The following HMCN2 variants were observed in gnomAD, a reference collection of about 807,000 sequenced individuals.
The protein encoded by HMCN2 is hemicentin 2, also known as hemicentin-2.
HMCN2 carries 325 observed loss-of-function variants against 377.5 expected under a neutral mutation model. The ratio of observed to expected loss-of-function variants is 0.86; its 90% confidence interval spans 0.79 to 0.94. The LOEUF (loss-of-function observed/expected upper bound fraction) is 0.94. HMCN2 is among the 40% of genes least tolerant of loss of function. The probability of loss-of-function intolerance (pLI) is 0.00; values close to 1 mark genes in which losing one functional copy is unlikely to be tolerated. For missense variants in HMCN2, 4,543 were observed against 4,725.3 expected, an observed-to-expected ratio of 0.96 and a Z score of 1.13; for synonymous variants, 2,007 against 2,046.8, an observed-to-expected ratio of 0.98 and a Z score of 0.53.
chr9:130,360,399 C>G lies in HMCN2; in HGVS notation c.5774-29C>G. ...TTCCCCCTTGCTTCTCTCTTCCTTT[C>G]CCCCTTGCATCTCTCTTCCTTTCCC... On this transcript the variant is annotated intron_variant, in intron 37 of 97. Transcript: ENST00000683500. This position sits in a 1 kb window ranked among gnomAD's most constrained non-coding sequence, Gnocchi z 4.7. The G allele has an allele frequency of 3.2e-6, 4 of 1,236,626 alleles. No individual in the cohort carries two copies. Among genetic ancestry groups the G allele is most frequent in the Non-Finnish European group, 4.2e-6 (4 of 949,908 alleles). The allele number at this position is 1,236,626 out of a possible 1,614,324, so 76.6% of individuals were successfully genotyped here. A position where few individuals can be genotyped will look rare whatever the true frequency, so the allele number is the denominator to read the frequency against.
Position 130,433,837 on chromosome 9 carries a change from C to A in HMCN2, c.*144C>A. The A allele has an allele frequency of 4.4e-6, 3 of 686,068 alleles. No individual in the cohort carries two copies. The highest frequency in any genetic ancestry group is 6.7e-6 in the Non-Finnish European group (3 of 446,148). 42.5% of individuals were successfully genotyped at this position (686,068 alleles called of 1,614,324 possible). The stretch of plus-strand genomic sequence containing the variant: ...CAGCGAGACCTTGGGTCAACACGAC[C>A]CTGCGCACAGCCTTGACCCCCGACA... On this transcript the variant is annotated 3_prime_UTR_variant, in exon 98 of 98. Coordinates refer to ENST00000683500, the MANE Select transcript of HMCN2 (RefSeq NM_001291815.2).
Position 130,299,028 on chromosome 9 carries a change from T to TC in HMCN2, c.1020dup (p.Ile341HisfsTer68). On this transcript the variant is annotated frameshift_variant, in exon 8 of 98. Transcript: ENST00000683500. LOFTEE classifies it high-confidence loss of function. ...GTTCTTCACCTTCCCTCTGCAGGAG[T>TC]CCCCATCTCCCTGGTGATCAATTCC... 2.1e-6 allele frequency: 1 copy of TC among 468,624 alleles called. No homozygotes were observed. The highest frequency in any genetic ancestry group is 1.6e-5 in the South Asian group (1 of 64,430). The allele number at this position is 468,624 out of a possible 1,614,324, so 29.0% of individuals were successfully genotyped here.
chr9:130,380,263 AG>A (rs1841635923), intron 54 of HMCN2, among the ~76,000 whole-genome samples: 1 of 152,144 alleles, frequency 6.6e-6, no homozygotes, highest in Admixed American at 6.5e-5. Flanking sequence ...CTTTTATTTT[AG>A]AATAATTTTT....
At chr9:130,383,263 G>C (rs1841827451) in intron 56 of HMCN2, among the ~76,000 whole-genome samples, 1 of 88,758 alleles carries the variant, frequency 1.1e-5, no homozygotes, top group Admixed American at 1.4e-4. Context: ...GCCCTCCACA[G>C]GGGTGGGGGA....
intron 43 of HMCN2, 80 bp from the exon 44 acceptor site, chr9:130,368,196 G>A (rs1436095892): frequency 1.1e-6 from 1 of 879,300 alleles, no homozygotes; most frequent in Non-Finnish European, 1.4e-6. Flanking sequence ...GAATGGGTAG[G>A]AGGACAAACT....
intron 74 of HMCN2, among the ~76,000 whole-genome samples, chr9:130,398,236 T>TC (rs1328774474): frequency 6.9e-6 from 1 of 145,502 alleles, no homozygotes; most frequent in Non-Finnish European, 1.5e-5. Context: ...CCCAGTCTCC[T>TC]CCCCCTCCAA....
Position 130,287,273 on chromosome 9 carries a change from A to T in HMCN2, c.612+963A>T, listed in dbSNP as rs1588175090. Among the ~76,000 whole-genome samples, 7 of 151,932 alleles carry T rather than the reference A, an allele frequency of 4.6e-5. No homozygotes were observed. In the East Asian group the frequency reaches 1.4e-3, roughly 30 times the overall value. Reference sequence around the variant, plus strand: ...GGTCCCCCTGGTATCCCCTTGCCCAAACTTGCTACCCTGCTGGCTTCTCTG... The same window carrying T: ...GGTCCCCCTGGTATCCCCTTGCCCATACTTGCTACCCTGCTGGCTTCTCTG... On this transcript the variant is annotated intron_variant, in intron 4 of 97. Transcript: ENST00000683500.
Position 130,347,899 on chromosome 9 carries a change from C to A in HMCN2, c.4024+539C>A. ...TTAAAAATGAGCACGGATGGCAGTG[C>A]AGAGCCCCAGAGCCCACCTCCGGGT... On this transcript the variant is annotated intron_variant, in intron 26 of 97. Transcript: ENST00000683500. The surrounding 1 kb of genome is among the most constrained non-coding windows in gnomAD (Gnocchi z 5.1). The A allele has an allele frequency of 3.7e-6, 2 of 543,892 alleles. No homozygotes were observed. Among genetic ancestry groups the A allele is most frequent in the Non-Finnish European group, 4.7e-6 (2 of 427,156 alleles). 33.7% of individuals were successfully genotyped at this position (543,892 alleles called of 1,614,324 possible).
chr9:130,426,216 G>A (rs533167075), intron 90 of HMCN2, among the ~76,000 whole-genome samples: 245 of 152,262 alleles, frequency 1.6e-3, no homozygotes, highest in Non-Finnish European at 1.9e-3. Context: ...TGATGTTCAG[G>A]AACTGAGTCA....
At chr9:130,425,179 G>A (rs539764373) in intron 89 of HMCN2, 49 bp downstream of exon 89, 8 of 1,485,404 alleles carry the variant, frequency 5.4e-6, no homozygotes, top group South Asian at 1.3e-5. Context: ...TGAGAGAGAC[G>A]AAGGTGCCCG....
At chr9:130,413,064 T>C (rs1475054618) in intron 85 of HMCN2, among the ~76,000 whole-genome samples, 1 of 152,260 alleles carries the variant, frequency 6.6e-6, no homozygotes, top group African/African-American at 2.4e-5. Flanking sequence ...ACTGGTCTTA[T>C]ATTTTTGTTA....
intron 85 of HMCN2, among the ~76,000 whole-genome samples, chr9:130,416,386 T>G (rs1268465281): frequency 6.6e-6 from 1 of 152,194 alleles, no homozygotes; most frequent in African/African-American, 2.4e-5. Flanking sequence ...CTTACAGGCG[T>G]GAGTCACTGC....
At chr9:130,353,912 G>A (rs1388374534) in intron 31 of HMCN2, among the ~76,000 whole-genome samples, 1 of 152,096 alleles carries the variant, frequency 6.6e-6, no homozygotes, top group Non-Finnish European at 1.5e-5. Context: ...GGCCCCCCGT[G>A]GGGAGTCACT....
At position 130,360,792 on chromosome 9, in the gene HMCN2, C is replaced by T. The variant is rs1231284185; in HGVS notation, c.5950+188C>T. On this transcript the variant is annotated intron_variant, in intron 38 of 97. Transcript: ENST00000683500. This position sits in a 1 kb window ranked among gnomAD's most constrained non-coding sequence, Gnocchi z 4.7. The stretch of plus-strand genomic sequence containing the variant: ...TCCATCCATCCATCCATCCATCCCA[C>T]CCATCCATCCACCCATCCACCCCTC... 1.3e-5 allele frequency among the ~76,000 whole-genome samples: 2 copies of T among 148,934 alleles called. No homozygotes were observed. Among genetic ancestry groups the T allele is most frequent in the Non-Finnish European group, 1.5e-5 (1 of 67,138 alleles).
chr9:130,365,413 C>G (rs895957757), intron 41 of HMCN2, among the ~76,000 whole-genome samples: 2 of 152,248 alleles, frequency 1.3e-5, no homozygotes, highest in African/African-American at 4.8e-5. Flanking sequence ...GCTGGCAGGA[C>G]TGCCATCGAG....
intron 1 of HMCN2, among the ~76,000 whole-genome samples, chr9:130,277,369 C>T (rs988669061): frequency 4.6e-5 from 7 of 152,236 alleles, no homozygotes; most frequent in Non-Finnish European, 1.0e-4. Flanking sequence ...CTGAATCTCC[C>T]TCCCTCTGCA....
At chr9:130,373,597 GT>G (rs1841170181) in intron 48 of HMCN2, among the ~76,000 whole-genome samples, 1 of 124,182 alleles carries the variant, frequency 8.1e-6, no homozygotes, top group South Asian at 3.2e-4. Flanking sequence ...GGATGGGTGG[GT>G]GGGTGGGTGG....
chr9:130,402,184 A>T (rs1401194522), intron 77 of HMCN2, among the ~76,000 whole-genome samples: 1 of 152,268 alleles, frequency 6.6e-6, no homozygotes, highest in Non-Finnish European at 1.5e-5. Context: ...TGGGGCTGGG[A>T]CAGGGGCTGT....
At chr9:130,416,799 C>T (rs1843720818) in intron 85 of HMCN2, among the ~76,000 whole-genome samples, 2 of 151,384 alleles carry the variant, frequency 1.3e-5, no homozygotes, top group South Asian at 4.2e-4. Flanking sequence ...TCCCCAGGGC[C>T]TGTGAATGTT....
Sources: allele counts gnomAD v4.1 joint callset (sites outside exome capture counted in the v4.1 genomes callset), GRCh38; gene constraint gnomAD v4.1.1; non-coding constraint Gnocchi (gnomAD v3.1); transcripts MANE v1.5; gene names NCBI Gene and HGNC (gene_info 2026-07-23, HGNC 2026-07-21).